FBXL17: variants seen among roughly 807,000 people sequenced by gnomAD.
FBXL17 encodes F-box/LRR-repeat protein 17.
A neutral mutation model predicts 66.2 loss-of-function variants in FBXL17; 22 were observed. The ratio of observed to expected loss-of-function variants is 0.33; its 90% confidence interval spans 0.24 to 0.47. The LOEUF (loss-of-function observed/expected upper bound fraction) is 0.47. Ranked by LOEUF, FBXL17 falls within the 20% of genes least tolerant of loss-of-function variation. The pLI, the probability that FBXL17 is intolerant of heterozygous loss-of-function variation, is 1.00. For missense variants in FBXL17, 878 were observed against 948.2 expected (o/e 0.93, Z 0.97); for synonymous variants, 474 against 400.5 (o/e 1.18, Z -2.19).
chr5:108,037,370 T>G lies in FBXL17; in HGVS notation c.1746-16369A>C, dbSNP rs138894998. The stretch of plus-strand genomic sequence containing the variant: ...GTAAGACAAGGAAAATATCACAGTT[T>G]GTCAATGTGAGAGTAAATACCATAG... On this transcript the variant is annotated intron_variant, in intron 6 of 8. Transcript: ENST00000542267. Among the ~76,000 whole-genome samples, 1,047 of 152,298 alleles carry G rather than the reference T, an allele frequency of 6.9e-3. 11 individuals carry two copies. The highest frequency in any genetic ancestry group is 0.048 in the Middle Eastern group (14 of 292).
intron 7 of FBXL17, among the ~76,000 whole-genome samples, chr5:107,987,450 C>A (rs984119331): frequency 6.6e-6 from 1 of 151,912 alleles, no homozygotes; most frequent in South Asian, 2.1e-4. Context: ...ACTTGCAGAA[C>A]GAAACTTGTT....
chr5:108,189,574 T>C (rs559497810), intron 5 of FBXL17, among the ~76,000 whole-genome samples: 2 of 152,128 alleles, frequency 1.3e-5, no homozygotes, highest in Non-Finnish European at 2.9e-5. Flanking sequence ...CTATGCTCTA[T>C]CATAATCCCT....
intron 7 of FBXL17, among the ~76,000 whole-genome samples, chr5:107,895,675 G>T (rs1160804138): frequency 6.6e-6 from 1 of 152,120 alleles, no homozygotes; most frequent in Non-Finnish European, 1.5e-5. Context: ...TATTGTAAAT[G>T]ATTCTATGTT....
At chr5:108,203,509 T>C (rs554667897) in intron 5 of FBXL17, among the ~76,000 whole-genome samples, 1 of 152,272 alleles carries the variant, frequency 6.6e-6, no homozygotes, top group African/African-American at 2.4e-5. Flanking sequence ...AGCTAAAAAG[T>C]AGCAAAAGCA....
At chr5:108,359,471 C>G (rs983070404) in intron 3 of FBXL17, among the ~76,000 whole-genome samples, 1 of 152,078 alleles carries the variant, frequency 6.6e-6, no homozygotes, top group Admixed American at 6.6e-5. Flanking sequence ...TTGCTACATC[C>G]CTTGAGTTTT....
In FBXL17 at chr5:108,078,319, C is replaced by T. The variant is rs77953230; in HGVS notation, c.1746-57318G>A. On this transcript the variant is annotated intron_variant, in intron 6 of 8. Transcript: ENST00000542267. ...TTCCCATTCCTTTGTCCATCTCTAA[C>T]AACCTCTAACCCAAATCTCTCCAAA... Among the ~76,000 whole-genome samples the T allele has an allele frequency of 4.9e-3, 739 of 152,310 alleles. 6 individuals are homozygous for T. Among genetic ancestry groups the T allele is most frequent in the African/African-American group, 0.017 (716 of 41,558 alleles).
intron 7 of FBXL17, among the ~76,000 whole-genome samples, chr5:107,980,643 A>AT (rs1223033280): frequency 0.01 from 940 of 89,732 alleles, 55 homozygotes; most frequent in African/African-American, 0.014. Flanking sequence ...GGCCAATAAA[A>AT]TAATATATAT....
intron 7 of FBXL17, among the ~76,000 whole-genome samples, chr5:107,940,800 C>A (rs1269374734): frequency 1.3e-5 from 2 of 152,118 alleles, no homozygotes; most frequent in Non-Finnish European, 2.9e-5. Context: ...GTTCTCAAAC[C>A]TGGCTACACA....
intron 4 of FBXL17, among the ~76,000 whole-genome samples, chr5:108,285,458 G>C (rs1373186051): frequency 1.3e-5 from 2 of 151,804 alleles, no homozygotes; most frequent in Non-Finnish European, 2.9e-5. Flanking sequence ...AATAAGAGTT[G>C]AAAGTCTAAA....
chr5:108,148,458 A>G (rs1179551139), intron 6 of FBXL17, among the ~76,000 whole-genome samples: 1 of 152,122 alleles, frequency 6.6e-6, no homozygotes, highest in African/African-American at 2.4e-5. Flanking sequence ...GCCCCAAACC[A>G]TCTATGGTCT....
chr5:108,169,727 A>G (rs796873087), intron 6 of FBXL17, among the ~76,000 whole-genome samples: 9 of 152,302 alleles, frequency 5.9e-5, no homozygotes, highest in African/African-American at 2.2e-4. Context: ...TCTACCCCCA[A>G]TAAATGAACT....
chr5:108,274,774 T>G (rs1757418069), intron 4 of FBXL17, among the ~76,000 whole-genome samples: 1 of 152,222 alleles, frequency 6.6e-6, no homozygotes. Flanking sequence ...CAATCCACGT[T>G]CTTCTGCCAT....
intron 6 of FBXL17, among the ~76,000 whole-genome samples, chr5:108,143,813 C>T (rs1751456409): frequency 2.0e-5 from 3 of 150,008 alleles, no homozygotes; most frequent in East Asian, 4.0e-4. Context: ...TGCAATTTGG[C>T]TCCATGTAAA....
chr5:108,112,770 A>G (rs988646753), intron 6 of FBXL17, among the ~76,000 whole-genome samples: 1 of 145,142 alleles, frequency 6.9e-6, no homozygotes, highest in Non-Finnish European at 1.6e-5. Flanking sequence ...ATCCAAATCA[A>G]ACTTCTACAG....
intron 4 of FBXL17, among the ~76,000 whole-genome samples, chr5:108,260,480 G>A (rs191693777): frequency 6.6e-6 from 1 of 152,206 alleles, no homozygotes; most frequent in East Asian, 1.9e-4. Flanking sequence ...ATCTAAACAT[G>A]TAACATAATG....
At chr5:108,160,531 G>A (rs1191991522) in intron 6 of FBXL17, among the ~76,000 whole-genome samples, 1 of 152,120 alleles carries the variant, frequency 6.6e-6, no homozygotes, top group Non-Finnish European at 1.5e-5. Flanking sequence ...GGGGCAAAAT[G>A]AGCAACCAAT....
At chr5:108,298,979 T>C (rs1448468591) in intron 4 of FBXL17, 29 of 970,536 alleles carry the variant, frequency 3.0e-5, no homozygotes, top group Non-Finnish European at 3.6e-5. Flanking sequence ...ATTTAATGTA[T>C]TAGGAGAGTA....
chr5:108,016,294 G>T (rs1561369157), intron 7 of FBXL17, among the ~76,000 whole-genome samples: 1 of 152,184 alleles, frequency 6.6e-6, no homozygotes. Flanking sequence ...CAGTCCACGG[G>T]TCTGTGGAAA....
At chr5:108,091,586 A>G (rs1391188045) in intron 6 of FBXL17, among the ~76,000 whole-genome samples, 1 of 152,050 alleles carries the variant, frequency 6.6e-6, no homozygotes, top group Admixed American at 6.6e-5. Context: ...TTTGTTTTAT[A>G]TGAACCTTGC....
Sources: allele counts gnomAD v4.1 joint callset (sites outside exome capture counted in the v4.1 genomes callset), GRCh38; gene constraint gnomAD v4.1.1; transcripts MANE v1.5; gene names NCBI Gene and HGNC (gene_info 2026-07-23, HGNC 2026-07-21).